LRRTM4: variants seen among roughly 807,000 people sequenced by gnomAD.
LRRTM4 encodes the protein leucine-rich repeat transmembrane neuronal protein 4.
A neutral mutation model predicts 47.6 loss-of-function variants in LRRTM4; 25 were observed. The observed-to-expected ratio is 0.53, with a 90% CI of 0.38 to 0.73. The LOEUF (loss-of-function observed/expected upper bound fraction) is 0.73, where lower values mean the gene tolerates loss of function less well. LRRTM4 is among the 30% of genes least tolerant of loss of function. The pLI is 0.00. For synonymous variants in LRRTM4, 311 were observed against 269.5 expected (o/e 1.15, Z -1.51); for missense variants, 638 against 713.4 (o/e 0.89, Z 1.20).
At chr2:76,945,754 A>AGTGTGT (rs71376806) in intron 3 of LRRTM4, among the ~76,000 whole-genome samples, 1,789 of 150,328 alleles carry the variant, frequency 0.012, 20 homozygotes, top group Middle Eastern at 0.031. Context: ...AGTGTGTAGA[A>AGTGTGT]GTGTGTGTGT....
intron 3 of LRRTM4, among the ~76,000 whole-genome samples, chr2:77,365,013 C>A (rs981660025): frequency 2.0e-5 from 3 of 151,968 alleles, no homozygotes; most frequent in African/African-American, 7.2e-5. Context: ...TCTTTCAGTG[C>A]CCAAACCTCT....
intron 3 of LRRTM4, among the ~76,000 whole-genome samples, chr2:77,274,471 A>G (rs915895301): frequency 1.1e-4 from 16 of 152,156 alleles, no homozygotes; most frequent in Non-Finnish European, 1.0e-4. Context: ...TAAAGAACTA[A>G]CAGATATGCT....
intron 3 of LRRTM4, among the ~76,000 whole-genome samples, chr2:76,993,714 A>C (rs2103999473): frequency 6.6e-6 from 1 of 152,032 alleles, no homozygotes; most frequent in Non-Finnish European, 1.5e-5. Context: ...CAAAGAAGTA[A>C]AAATAGAACT....
chr2:76,840,537 T>C (rs1671643236), intron 3 of LRRTM4, among the ~76,000 whole-genome samples: 1 of 152,076 alleles, frequency 6.6e-6, no homozygotes, highest in South Asian at 2.1e-4. Flanking sequence ...AATGTAAAAG[T>C]TTAGTCTTCA....
chr2:76,838,803 C>T (rs1303097318), intron 3 of LRRTM4, among the ~76,000 whole-genome samples: 1 of 152,052 alleles, frequency 6.6e-6, no homozygotes, highest in Non-Finnish European at 1.5e-5. Context: ...CATGGATGGA[C>T]TCAAAGAGCT....
At chr2:77,467,119 G>C (rs1209949558) in intron 3 of LRRTM4, among the ~76,000 whole-genome samples, 1 of 152,112 alleles carries the variant, frequency 6.6e-6, no homozygotes. Flanking sequence ...TGTTGTTGTT[G>C]TTGTTGTAAT....
intron 3 of LRRTM4, among the ~76,000 whole-genome samples, chr2:76,942,753 A>G (rs1425239953): frequency 1.3e-5 from 2 of 151,270 alleles, no homozygotes; most frequent in Non-Finnish European, 2.9e-5. Context: ...TTAGTGCATG[A>G]TATAATTTAC....
At chr2:77,194,102 G>A (rs990640625) in intron 3 of LRRTM4, among the ~76,000 whole-genome samples, 3 of 152,110 alleles carry the variant, frequency 2.0e-5, no homozygotes, top group Admixed American at 6.5e-5. Context: ...CCCTGGGGCC[G>A]AGTGATGCTT....
At chr2:77,040,866 T>C (rs764403941) in intron 3 of LRRTM4, among the ~76,000 whole-genome samples, 1 of 151,556 alleles carries the variant, frequency 6.6e-6, no homozygotes, top group Non-Finnish European at 1.5e-5. Flanking sequence ...TATGTATACA[T>C]TGTGTAATTA....
chr2:76,939,258 TAAC>T (rs1558750485), intron 3 of LRRTM4, among the ~76,000 whole-genome samples: 1 of 152,184 alleles, frequency 6.6e-6, no homozygotes, highest in Admixed American at 6.6e-5. Flanking sequence ...CTTGCTCAGA[TAAC>T]ATTTCAGTGC....
chr2:77,003,143 C>T (rs1329816014), intron 3 of LRRTM4, among the ~76,000 whole-genome samples: 2 of 150,634 alleles, frequency 1.3e-5, no homozygotes, highest in African/African-American at 4.9e-5. Context: ...CTGAAACTCC[C>T]TTATTCTGTA....
At chr2:77,242,515 A>G (rs1675297917) in intron 3 of LRRTM4, among the ~76,000 whole-genome samples, 1 of 152,146 alleles carries the variant, frequency 6.6e-6, no homozygotes, top group Non-Finnish European at 1.5e-5. Context: ...ACTTGAACAG[A>G]CATTTCTCTA....
chr2:77,304,368 T>C (rs1026169738), intron 3 of LRRTM4, among the ~76,000 whole-genome samples: 4 of 152,170 alleles, frequency 2.6e-5, no homozygotes, highest in Non-Finnish European at 5.9e-5. Flanking sequence ...ACATGTATAG[T>C]TTGCAAATAT....
chr2:76,868,312 C>T (rs1672522756), intron 3 of LRRTM4, among the ~76,000 whole-genome samples: 1 of 152,068 alleles, frequency 6.6e-6, no homozygotes, highest in South Asian at 2.1e-4. Context: ...AGTTTCTATC[C>T]TATGAGGTCT....
chr2:76,769,448 A>G (rs1039199132), intron 3 of LRRTM4, among the ~76,000 whole-genome samples: 67 of 152,270 alleles, frequency 4.4e-4, no homozygotes, highest in African/African-American at 1.6e-3. Flanking sequence ...TGACAGTGAT[A>G]ATATAAGCTA....
intron 3 of LRRTM4, among the ~76,000 whole-genome samples, chr2:77,262,457 G>A (rs1675942443): frequency 6.6e-6 from 1 of 151,188 alleles, no homozygotes; most frequent in African/African-American, 2.4e-5. Flanking sequence ...GATACATTAT[G>A]TTTAATTAAA....
chr2:76,884,149 G>A (rs1253575282), intron 3 of LRRTM4, among the ~76,000 whole-genome samples: 2 of 152,024 alleles, frequency 1.3e-5, no homozygotes, highest in Admixed American at 6.6e-5. Context: ...CTATTGTTGA[G>A]CATTTTGTAA....
intron 3 of LRRTM4, among the ~76,000 whole-genome samples, chr2:77,378,010 T>C (rs1413161518): frequency 1.3e-5 from 2 of 152,146 alleles, no homozygotes; most frequent in East Asian, 3.9e-4. Flanking sequence ...TAATTTAGGT[T>C]CTCTAGAAAA....
At chr2:77,477,913 AAGAAAGAAAG>A (rs761963132) in intron 3 of LRRTM4, among the ~76,000 whole-genome samples, 2 of 59,442 alleles carry the variant, frequency 3.4e-5, no homozygotes, top group African/African-American at 6.8e-5. Flanking sequence ...AAAAGAAAGA[AAGAAAGAAAG>A]AAAGAAAGAA....
Sources: gnomAD v4.1 joint callset for allele counts (sites outside exome capture counted in the v4.1 genomes callset) on GRCh38, gnomAD v4.1.1 for gene constraint, MANE v1.5 for transcripts, NCBI Gene and HGNC (gene_info 2026-07-23, HGNC 2026-07-21) for gene names.